The following TMEM132D variants were observed in gnomAD, a reference collection of about 807,000 sequenced individuals.
TMEM132D encodes mature OL transmembrane protein.
TMEM132D carries 21 observed loss-of-function variants against 62.3 expected under a neutral mutation model. The ratio of observed to expected loss-of-function variants is 0.34; its 90% confidence interval spans 0.24 to 0.49. TMEM132D has a LOEUF of 0.49. Ranked by LOEUF, TMEM132D falls within the 20% of genes least tolerant of loss-of-function variation. TMEM132D has a pLI of 0.99. For synonymous variants in TMEM132D, 621 were observed against 575.6 expected (o/e 1.08, Z -1.13); for missense variants, 1,346 against 1,402.8 (o/e 0.96, Z 0.65).
intron 1 of TMEM132D, among the ~76,000 whole-genome samples, chr12:129,830,158 T>C (rs921170476): frequency 4.6e-5 from 7 of 152,128 alleles, no homozygotes; most frequent in African/African-American, 7.2e-5. Flanking sequence ...AATGGAAGGA[T>C]TGAAGAACCG....
intron 4 of TMEM132D, among the ~76,000 whole-genome samples, chr12:129,324,166 T>C (rs954496878): frequency 1.3e-5 from 2 of 152,172 alleles, no homozygotes; most frequent in Admixed American, 6.5e-5. Flanking sequence ...ACTGTCCCCA[T>C]GGTTATGATG....
At chr12:129,416,938 A>C (rs1872139900) in intron 3 of TMEM132D, among the ~76,000 whole-genome samples, 1 of 152,166 alleles carries the variant, frequency 6.6e-6, no homozygotes, top group Non-Finnish European at 1.5e-5. Context: ...TGCTGGATTC[A>C]GTTTGCCAGT....
intron 4 of TMEM132D, among the ~76,000 whole-genome samples, chr12:129,243,042 T>C (rs1879978458): frequency 6.6e-6 from 1 of 152,238 alleles, no homozygotes; most frequent in South Asian, 2.1e-4. Context: ...AGTCTAGATA[T>C]AGCTTCATAA....
At chr12:129,498,293 G>A (rs1351840229) in intron 3 of TMEM132D, among the ~76,000 whole-genome samples, 1 of 152,262 alleles carries the variant, frequency 6.6e-6, no homozygotes, top group Admixed American at 6.5e-5. Context: ...TCACTCTGTT[G>A]CCCAGGCTGG....
intron 1 of TMEM132D, among the ~76,000 whole-genome samples, chr12:129,839,040 C>G (rs1873094206): frequency 6.8e-6 from 1 of 147,688 alleles, no homozygotes; most frequent in African/African-American, 2.5e-5. Context: ...CAACCTCCAC[C>G]ACCGGTTTTG....
chr12:129,487,936 CAAAAAAAAAAA>C (rs58079383), intron 3 of TMEM132D, among the ~76,000 whole-genome samples: 4 of 54,692 alleles, frequency 7.3e-5, no homozygotes, highest in Admixed American at 2.4e-4. Flanking sequence ...GACTCCATCT[CAAAAAAAAAAA>C]AAAAAAAAAA....
chr12:129,728,995 T>C (rs889621220), intron 1 of TMEM132D, among the ~76,000 whole-genome samples: 2 of 152,232 alleles, frequency 1.3e-5, no homozygotes, highest in Non-Finnish European at 2.9e-5. Flanking sequence ...TCGTTTTTAA[T>C]GCCAGTATTT....
chr12:129,430,332 A>C (rs1872619119), intron 3 of TMEM132D, among the ~76,000 whole-genome samples: 1 of 152,190 alleles, frequency 6.6e-6, no homozygotes, highest in Non-Finnish European at 1.5e-5. Flanking sequence ...TCTGATGGCC[A>C]GTGATGATGA....
chr12:129,513,991 C>A (rs1238347527), intron 3 of TMEM132D, among the ~76,000 whole-genome samples: 2 of 150,952 alleles, frequency 1.3e-5, no homozygotes. Flanking sequence ...GCGCCCGCCA[C>A]CACGCCTGGC....
At chr12:129,316,475 G>T (rs1868491748) in intron 4 of TMEM132D, among the ~76,000 whole-genome samples, 1 of 152,100 alleles carries the variant, frequency 6.6e-6, no homozygotes, top group South Asian at 2.1e-4. Context: ...TTTTGGAGTT[G>T]ATTTCCAGCT....
chr12:129,456,496 G>A (rs1873471745), intron 3 of TMEM132D, among the ~76,000 whole-genome samples: 1 of 152,120 alleles, frequency 6.6e-6, no homozygotes, highest in Admixed American at 6.6e-5. Flanking sequence ...ACTTCCCAGT[G>A]TCTGCCAGAT....
At chr12:129,233,240 G>T (rs1392425886) in intron 4 of TMEM132D, among the ~76,000 whole-genome samples, 1 of 152,220 alleles carries the variant, frequency 6.6e-6, no homozygotes, top group African/African-American at 2.4e-5. Context: ...GTCTCCAGCA[G>T]CTGCTGAGTT....
At chr12:129,872,696 C>A (rs1313527188) in intron 1 of TMEM132D, among the ~76,000 whole-genome samples, 1 of 152,172 alleles carries the variant, frequency 6.6e-6, no homozygotes, top group Middle Eastern at 3.2e-3. Flanking sequence ...ATCCCTGCAC[C>A]ATTTTCAAGT....
chr12:129,843,596 T>C (rs990651378), intron 1 of TMEM132D, among the ~76,000 whole-genome samples: 1 of 152,224 alleles, frequency 6.6e-6, no homozygotes, highest in Non-Finnish European at 1.5e-5. Flanking sequence ...CAAGAGGTGC[T>C]GACCTTGTAC....
At chr12:129,184,567 G>A (rs1161795177) in intron 5 of TMEM132D, among the ~76,000 whole-genome samples, 1 of 152,194 alleles carries the variant, frequency 6.6e-6, no homozygotes, top group Non-Finnish European at 1.5e-5. Flanking sequence ...ATTTTGGGCT[G>A]GGGTGAGTAG....
At chr12:129,281,425 T>A (rs1180605430) in intron 4 of TMEM132D, among the ~76,000 whole-genome samples, 5 of 149,806 alleles carry the variant, frequency 3.3e-5, no homozygotes, top group Admixed American at 2.7e-4. Context: ...ATTCTTTTTT[T>A]TTTAAAAAAA....
At chr12:129,480,266 T>C (rs1472765180) in intron 3 of TMEM132D, among the ~76,000 whole-genome samples, 1 of 152,088 alleles carries the variant, frequency 6.6e-6, no homozygotes, top group African/African-American at 2.4e-5. Context: ...CCAAGCAAAG[T>C]CAGAGAAGGA....
intron 1 of TMEM132D, among the ~76,000 whole-genome samples, chr12:129,716,604 G>C (rs749403445): frequency 6.6e-6 from 1 of 152,132 alleles, no homozygotes; most frequent in East Asian, 1.9e-4. Context: ...AGACATCCAC[G>C]TCCTAATCCC....
rs74951954 is a variant in TMEM132D at position 129,338,837 on chromosome 12, A to G, written c.1116-1020T>C. On this transcript the variant is annotated intron_variant, in intron 3 of 8. Transcript: ENST00000422113. ...TTTATCACACCGTCAATCTCACCCA[A>G]GTTTACCGGTAAGAAGCTCAGAGAT... Among the ~76,000 whole-genome samples the G allele has an allele frequency of 7.4e-3, 1,130 of 152,352 alleles. 14 individuals are homozygous for G. Among genetic ancestry groups the G allele is most frequent in the African/African-American group, 0.026 (1,094 of 41,580 alleles).
Sources: gnomAD v4.1 joint callset for allele counts (sites outside exome capture counted in the v4.1 genomes callset) on GRCh38, gnomAD v4.1.1 for gene constraint, MANE v1.5 for transcripts, NCBI Gene and HGNC (gene_info 2026-07-23, HGNC 2026-07-21) for gene names.